The following FOXRED2 variants were observed in gnomAD, a reference collection of about 807,000 sequenced individuals.
FOXRED2 encodes FAD dependent oxidoreductase domain containing 2.
A neutral mutation model predicts 52.5 loss-of-function variants in FOXRED2; 32 were observed. That is an observed-to-expected ratio of 0.61 (90% CI 0.46 to 0.82). The LOEUF is 0.82. Among genes scored for constraint, FOXRED2 ranks in the 40% least tolerant of loss-of-function variants. The probability of loss-of-function intolerance (pLI) is 0.00; values close to 1 mark genes in which losing one functional copy is unlikely to be tolerated. For synonymous variants in FOXRED2, 405 were observed against 398.1 expected (o/e 1.02, Z -0.21); for missense variants, 848 against 937.5 (o/e 0.90, Z 1.25).
At chr22:36,497,907 CA>C in intron 6 of FOXRED2, 83 bp downstream of exon 6, 1 of 1,461,204 alleles carries the variant, frequency 6.8e-7, no homozygotes, top group South Asian at 1.3e-5. Flanking sequence ...CTGGGCACCT[CA>C]CACCTGGAAT....
chr22:36,498,219 G>A, intron 5 of FOXRED2, 63 bp from the exon 6 acceptor site: 6 of 1,545,918 alleles, frequency 3.9e-6, no homozygotes, highest in Non-Finnish European at 5.2e-6. Context: ...GTCACTGGGA[G>A]GGATGCCCAG....
chr22:36,505,192 T>TACC (rs1477521777), intron 2 of FOXRED2, among the ~76,000 whole-genome samples: 1 of 152,196 alleles, frequency 6.6e-6, no homozygotes, highest in Non-Finnish European at 1.5e-5. Context: ...AGTAATTCTG[T>TACC]ACCAGGCCCT....
intron 7 of FOXRED2, among the ~76,000 whole-genome samples, chr22:36,494,476 G>A (rs531433733): frequency 1.2e-4 from 18 of 152,178 alleles, no homozygotes; most frequent in African/African-American, 4.3e-4. Flanking sequence ...ATAGAGGCGA[G>A]GGGTCTCAGC....
At chr22:36,494,928 C>T (rs916242630) in intron 7 of FOXRED2, among the ~76,000 whole-genome samples, 9 of 151,670 alleles carry the variant, frequency 5.9e-5, no homozygotes, top group South Asian at 2.1e-4. Flanking sequence ...TGAGCGACCG[C>T]GCCCGGCCTT....
rs781291613 is a variant in FOXRED2, at chr22:36,501,399, C to A, written c.1058G>T (p.Arg353Ile). 12 of 1,614,062 alleles carry A rather than the reference C, an allele frequency of 7.4e-6. 1 individual carries two copies. The South Asian group carries it at 1.3e-4, about 18-fold the overall frequency. Residue 353 changes from arginine (R) to isoleucine (I), a missense_variant, in exon 5 of 9, where the codon AGA (arginine) becomes ATA (isoleucine). Coordinates refer to ENST00000397224, the MANE Select transcript of FOXRED2 (RefSeq NM_001102371.2). ...GCCGAATGCATTTCCCGAGTTAAGT[C>A]TGAGGGACCTGTCAGTGGAAAGGGC... ...FDFSIFNKSL[R>I]LNSGNAFGKK...
intron 1 of FOXRED2, 169 bp from the exon 2 acceptor site, chr22:36,506,592 G>C (rs950867613): frequency 2.7e-5 from 16 of 593,618 alleles, no homozygotes; most frequent in Non-Finnish European, 4.1e-5. Flanking sequence ...TTCAAGCTGG[G>C]ACTTGGGGCT....
chr22:36,504,481 C>T, intron 3 of FOXRED2, 34 bp downstream of exon 3: 1 of 1,612,410 alleles, frequency 6.2e-7, no homozygotes, highest in East Asian at 2.2e-5. Flanking sequence ...TCTGGGCTCC[C>T]AGCACAGAAC....
intron 6 of FOXRED2, 73 bp from the exon 7 acceptor site, chr22:36,496,281 ATG>A: frequency 1.3e-6 from 2 of 1,577,992 alleles, no homozygotes; most frequent in South Asian, 2.3e-5. Flanking sequence ...GGGGGTGAGC[ATG>A]TGTGTGTGCG....
intron 8 of FOXRED2, among the ~76,000 whole-genome samples, 195 bp downstream of exon 8, chr22:36,493,438 C>CAA (rs112901270): frequency 0.13 from 16,817 of 130,260 alleles, 1,173 homozygotes; most frequent in African/African-American, 0.2. Flanking sequence ...GACTCCATCT[C>CAA]AAAAAAAAAA....
chr22:36,493,128 G>C (rs760684779), intron 8 of FOXRED2, among the ~76,000 whole-genome samples: 1 of 152,182 alleles, frequency 6.6e-6, no homozygotes, highest in African/African-American at 2.4e-5. Context: ...ATGGCGCCTG[G>C]CCCTGCTAAT....
intron 4 of FOXRED2, among the ~76,000 whole-genome samples, chr22:36,501,749 C>T (rs1433271645): frequency 6.6e-6 from 1 of 152,200 alleles, no homozygotes; most frequent in Non-Finnish European, 1.5e-5. Flanking sequence ...GCGCGAGCCA[C>T]TGCACCCAGC....
At position 36,487,327 on chromosome 22, in the gene FOXRED2, CT is replaced by C. The variant is rs573642538; in HGVS notation, c.*2680del. On this transcript the variant is annotated 3_prime_UTR_variant, in exon 9 of 9. Transcript: ENST00000397224. ...TACCCCCTACTGCTGTGTTGTTCCC[CT>C]ATGGGCTAGGGTTGGACCGCACAAT... The C allele has an allele frequency of 1.9e-4, 29 of 152,300 alleles. No individual in the cohort carries two copies. In the East Asian group the frequency reaches 3.3e-3, roughly 17 times the overall value. The allele number at this position is 152,300 out of a possible 1,614,324, so 9.4% of individuals were successfully genotyped here.
Position 36,506,346 on chromosome 22 carries a change from G to A in FOXRED2, c.77C>T (p.Ser26Leu). The change falls in exon 2 of 9, where the codon TCG (serine) becomes TTG (leucine). Residue 26 changes from serine to leucine, a missense_variant. Coordinates refer to ENST00000397224, the MANE Select transcript of FOXRED2 (RefSeq NM_001102371.2). ...GCAGTAGTCCCGGCGCGGGGGCACC[G>A]ACAGCGCTGGGTGCAGGGCGATGGC... ...LLAIALHPAL[S>L]VPPRRDYCVL... 1.3e-6 allele frequency: 2 copies of A among 1,484,218 alleles called. No individual in the cohort carries two copies. The highest frequency in any genetic ancestry group is 8.9e-7 in the Non-Finnish European group (1 of 1,119,912). The allele number at this position is 1,484,218 out of a possible 1,614,324, so 91.9% of individuals were successfully genotyped here. A position where few individuals can be genotyped will look rare whatever the true frequency, so the allele number is the denominator to read the frequency against.
Position 36,501,341 on chromosome 22 carries a change from T to A in FOXRED2, c.1116A>T (p.Glu372Asp). 6.2e-7 allele frequency: 1 copy of A among 1,614,124 alleles called. No individual in the cohort carries two copies. Among genetic ancestry groups the A allele is most frequent in the South Asian group, 1.1e-5 (1 of 91,080 alleles). The change falls in exon 5 of 9, where the codon GAA becomes GAT. Residue 372 changes from glutamate to aspartate, a missense_variant. By Grantham distance (45) the Glu-to-Asp change is conservative. Transcript: ENST00000397224. Reference protein sequence around the residue: ...KKYPLIRASYESKGSRGLFIL... With the variant: ...KKYPLIRASYDSKGSRGLFIL... ...TAAACAGACCCCGGCTTCCTTTGGA[T>A]TCGTAGCTAGCTCGAATCAGCGGGT... is the stretch of plus-strand genomic sequence containing the variant.
chr22:36,502,218 C>T (rs1000831994), intron 4 of FOXRED2, among the ~76,000 whole-genome samples: 2 of 152,110 alleles, frequency 1.3e-5, no homozygotes, highest in Non-Finnish European at 2.9e-5. Context: ...GGCACAGTGG[C>T]TCACGCCTGT....
At chr22:36,498,511 T>C (rs1933963593) in intron 5 of FOXRED2, 1 of 199,214 alleles carries the variant, frequency 5.0e-6, no homozygotes, top group Admixed American at 5.3e-5. Context: ...CATCTGCCCC[T>C]GCTTCAGGCC....
At chr22:36,497,942 C>T (rs766781211) in intron 6 of FOXRED2, 49 bp downstream of exon 6, 63 of 1,579,874 alleles carry the variant, frequency 4.0e-5, no homozygotes, top group African/African-American at 1.1e-4. Flanking sequence ...CTATGCAGCA[C>T]GTCGGGAAAG....
At position 36,504,167 on chromosome 22, in the gene FOXRED2, G is replaced by A. The variant is rs867416336; in HGVS notation, c.980C>T (p.Ala327Val). The change falls in exon 4 of 9, where the codon GCC (alanine) becomes GTC (valine). Residue 327 changes from alanine (A) to valine (V), a missense_variant. Coordinates refer to ENST00000397224, the MANE Select transcript of FOXRED2 (RefSeq NM_001102371.2). ...TLPQDDNDNF[A>V]MRVPYDRVIR... ...TACCCGGTCATAGGGCACGCGCATG[G>A]CAAAGTTGTCATTGTCGTCCTGGGG... 1.9e-6 allele frequency: 3 copies of A among 1,614,240 alleles called. No homozygotes were observed. The South Asian group carries it at 3.3e-5, about 18-fold the overall frequency.
chr22:36,497,857 C>T (rs1432055721), intron 6 of FOXRED2, 134 bp downstream of exon 6: 1 of 957,012 alleles, frequency 1.0e-6, no homozygotes, highest in Non-Finnish European at 1.6e-6. Flanking sequence ...TTCCCCAGAA[C>T]AGGCATGTTC....
Sources: gnomAD v4.1 joint callset for allele counts (sites outside exome capture counted in the v4.1 genomes callset) on GRCh38, gnomAD v4.1.1 for gene constraint, MANE v1.5 for transcripts, NCBI Gene and HGNC (gene_info 2026-07-23, HGNC 2026-07-21) for gene names.